CSMD1: variants seen among roughly 807,000 people sequenced by gnomAD.
The protein encoded by CSMD1 is CUB and sushi domain-containing protein 1.
CSMD1 carries 213 observed loss-of-function variants against 417.5 expected under a neutral mutation model. The observed-to-expected ratio is 0.51, with a 90% confidence interval of 0.46 to 0.57. The LOEUF is 0.57. Ranked by LOEUF, CSMD1 falls within the 20% of genes least tolerant of loss-of-function variation. The pLI is 0.00. For synonymous variants in CSMD1, 2,862 were observed against 1,736.8 expected (o/e 1.65, Z -16.11); for missense variants, 6,923 against 4,529.7 (o/e 1.53, Z -15.17).
intron 3 of CSMD1, among the ~76,000 whole-genome samples, chr8:4,131,722 T>C (rs1803116012): frequency 1.3e-5 from 2 of 151,616 alleles, no homozygotes; most frequent in African/African-American, 4.8e-5. Context: ...AACAATGCAG[T>C]TGTTATCAAG....
At chr8:3,323,232 C>T (rs889564226) in intron 23 of CSMD1, among the ~76,000 whole-genome samples, 1 of 152,198 alleles carries the variant, frequency 6.6e-6, no homozygotes, top group Admixed American at 6.5e-5. Context: ...AAAAACCTAA[C>T]ACAAATGACA....
intron 1 of CSMD1, among the ~76,000 whole-genome samples, chr8:4,943,096 C>A (rs868349904): frequency 1.2e-4 from 18 of 152,110 alleles, no homozygotes; most frequent in Non-Finnish European, 1.6e-4. Context: ...ACAATGACTC[C>A]ATAGATTTTA....
chr8:3,658,367 T>A (rs1321541271), intron 7 of CSMD1, among the ~76,000 whole-genome samples: 1 of 151,534 alleles, frequency 6.6e-6, no homozygotes, highest in African/African-American at 2.4e-5. Flanking sequence ...GTAATAAGAA[T>A]TACTCTTTTT....
At chr8:4,118,541 A>G (rs1325499538) in intron 3 of CSMD1, among the ~76,000 whole-genome samples, 3 of 152,196 alleles carry the variant, frequency 2.0e-5, no homozygotes, top group African/African-American at 7.2e-5. Context: ...CCAAAATGGG[A>G]TACCATCTCA....
chr8:4,125,029 G>A (rs1210494469), intron 3 of CSMD1, among the ~76,000 whole-genome samples: 3 of 151,944 alleles, frequency 2.0e-5, no homozygotes, highest in South Asian at 2.1e-4. Context: ...CACTCTTGGG[G>A]TCCGCACGTT....
At chr8:4,598,001 T>G (rs528951288) in intron 2 of CSMD1, among the ~76,000 whole-genome samples, 3 of 151,586 alleles carry the variant, frequency 2.0e-5, no homozygotes, top group African/African-American at 7.2e-5. Flanking sequence ...AAATTATATA[T>G]AAAATAGATA....
intron 1 of CSMD1, among the ~76,000 whole-genome samples, chr8:4,863,220 T>G (rs1400409618): frequency 6.6e-6 from 1 of 152,036 alleles, no homozygotes; most frequent in Non-Finnish European, 1.5e-5. Flanking sequence ...ATCTCCAAAA[T>G]GAGGAAAAAT....
At chr8:4,122,797 A>G (rs1463144416) in intron 3 of CSMD1, among the ~76,000 whole-genome samples, 1 of 152,206 alleles carries the variant, frequency 6.6e-6, no homozygotes, top group African/African-American at 2.4e-5. Context: ...TTCCATCAAA[A>G]AAACAAATGA....
intron 3 of CSMD1, among the ~76,000 whole-genome samples, chr8:4,087,953 C>T (rs972818487): frequency 6.6e-6 from 1 of 152,080 alleles, no homozygotes; most frequent in Non-Finnish European, 1.5e-5. Flanking sequence ...AGGCTAAGAA[C>T]GGTGGTATCC....
chr8:3,104,971 G>T (rs112774256), intron 46 of CSMD1, among the ~76,000 whole-genome samples: 1 of 152,156 alleles, frequency 6.6e-6, no homozygotes, highest in Admixed American at 6.5e-5. Context: ...CTCACAGAAT[G>T]CTGGGATTAC....
intron 1 of CSMD1, among the ~76,000 whole-genome samples, chr8:4,757,645 C>T (rs1008461231): frequency 2.6e-5 from 4 of 152,118 alleles, no homozygotes; most frequent in South Asian, 4.1e-4. Context: ...TTATGAATAA[C>T]ACATCATAAT....
At chr8:3,512,290 T>C (rs7839985) in intron 10 of CSMD1, among the ~76,000 whole-genome samples, 91,653 of 152,198 alleles carry the variant, frequency 0.6, 28,090 homozygotes, top group African/African-American at 0.71. Context: ...TTCTTGAAGA[T>C]GCAGTGCTGA....
chr8:3,714,315 A>G (rs1350182095), intron 6 of CSMD1, among the ~76,000 whole-genome samples: 1 of 151,060 alleles, frequency 6.6e-6, no homozygotes, highest in Non-Finnish European at 1.5e-5. Flanking sequence ...AGAAGTAATC[A>G]CATTCCATAA....
chr8:4,277,159 A>C (rs1796532825), intron 3 of CSMD1, among the ~76,000 whole-genome samples: 1 of 151,664 alleles, frequency 6.6e-6, no homozygotes, highest in African/African-American at 2.4e-5. Context: ...AGTTTAATCC[A>C]ACACTATACA....
At chr8:3,050,788 T>C (rs924795672) in intron 50 of CSMD1, among the ~76,000 whole-genome samples, 3 of 152,244 alleles carry the variant, frequency 2.0e-5, no homozygotes, top group African/African-American at 4.8e-5. Flanking sequence ...TCTATTTATA[T>C]CTAAGTATAT....
chr8:4,217,912 G>A lies in CSMD1; in HGVS notation c.416-185813C>T, dbSNP rs149141245. 2.6e-3 allele frequency among the ~76,000 whole-genome samples: 400 copies of A among 152,268 alleles called. 3 individuals carry two copies. The highest frequency in any genetic ancestry group is 9.0e-3 in the African/African-American group (372 of 41,550). The stretch of plus-strand genomic sequence containing the variant: ...GTTTCAGATGAGACTATGCAAAGAA[G>A]AAGAACAAGATTCAGGAGCAAAGAA... On this transcript the variant is annotated intron_variant, in intron 3 of 69. Coordinates refer to ENST00000635120, the MANE Select transcript of CSMD1 (RefSeq NM_033225.6).
At chr8:3,294,343 T>G (rs1359638747) in intron 25 of CSMD1, among the ~76,000 whole-genome samples, 1 of 152,168 alleles carries the variant, frequency 6.6e-6, no homozygotes, top group Non-Finnish European at 1.5e-5. Context: ...ACTACGCTCT[T>G]CAAAGCTGTC....
At position 3,142,389 on chromosome 8, in the gene CSMD1, G is replaced by A. The variant is rs373379658; in HGVS notation, c.6241+76C>T. 1.9e-4 allele frequency: 247 copies of A among 1,279,562 alleles called. 2 individuals carry two copies. In the African/African-American group the frequency reaches 3.1e-3, roughly 16 times the overall value. 79.3% of individuals were successfully genotyped at this position (1,279,562 alleles called of 1,614,324 possible). Reference sequence around the variant, plus strand: ...GTACAAGCTTGGAACCAGTTAGGGAGATTTATACTTAAATACAATTTACAT... The same window carrying A: ...GTACAAGCTTGGAACCAGTTAGGGAAATTTATACTTAAATACAATTTACAT... On this transcript the variant is annotated intron_variant, in intron 41 of 69. Coordinates refer to ENST00000635120, the MANE Select transcript of CSMD1 (RefSeq NM_033225.6).
intron 5 of CSMD1, among the ~76,000 whole-genome samples, chr8:3,926,132 C>G (rs3115649): frequency 1.5e-5 from 2 of 132,194 alleles, no homozygotes; most frequent in Non-Finnish European, 3.2e-5. Context: ...CACACACACA[C>G]TTGTGGTGTG....
Sources: gnomAD v4.1 joint callset for allele counts (sites outside exome capture counted in the v4.1 genomes callset) on GRCh38, gnomAD v4.1.1 for gene constraint, MANE v1.5 for transcripts, NCBI Gene and HGNC (gene_info 2026-07-23, HGNC 2026-07-21) for gene names.